The following CDC42BPG variants were observed in gnomAD, a reference collection of about 807,000 sequenced individuals.
The protein encoded by CDC42BPG is serine/threonine-protein kinase MRCK gamma.
In CDC42BPG, 157 loss-of-function variants were observed where a neutral mutation model predicts 192.2. The observed-to-expected ratio is 0.82, with a 90% CI of 0.72 to 0.93. The LOEUF (loss-of-function observed/expected upper bound fraction) is 0.93, where lower values mean the gene tolerates loss of function less well. CDC42BPG is among the 40% of genes least tolerant of loss of function. The probability of loss-of-function intolerance (pLI) is 0.00; values close to 1 mark genes in which losing one functional copy is unlikely to be tolerated. For synonymous variants in CDC42BPG, 981 were observed against 918.5 expected (o/e 1.07, Z -1.23); for missense variants, 1,992 against 2,122.1 (o/e 0.94, Z 1.20).
Position 64,840,656 on chromosome 11 carries a change from A to G in CDC42BPG, c.337-8T>C. ...CTCCCGGAAACAGGCTGTCTGCAGC[A>G]GGTTTGGGGAAGTAAGGGGTGGGGT... On this transcript the variant is annotated splice_polypyrimidine_tract_variant and splice_region_variant and intron_variant, in intron 3 of 36. Transcript: ENST00000342711. 1 of 1,613,384 alleles carries G rather than the reference A, an allele frequency of 6.2e-7. No individual in the cohort carries two copies. Among genetic ancestry groups the G allele is most frequent in the Middle Eastern group, 1.6e-4 (1 of 6,062 alleles).
chr11:64,824,861 C>T (rs1320783230), intron 36 of CDC42BPG, among the ~76,000 whole-genome samples: 1 of 152,140 alleles, frequency 6.6e-6, no homozygotes, highest in Non-Finnish European at 1.5e-5. Flanking sequence ...GATTCTCCTG[C>T]CTCTGCCTCC....
At chr11:64,839,602 G>A (rs374683996) in intron 5 of CDC42BPG, 31 bp from the exon 6 acceptor site, 11 of 1,586,658 alleles carry the variant, frequency 6.9e-6, no homozygotes, top group East Asian at 6.8e-5. Context: ...AGAGTGAGGC[G>A]TTTGACCTGT....
intron 36 of CDC42BPG, among the ~76,000 whole-genome samples, chr11:64,824,927 G>A (rs1474109947): frequency 1.5e-5 from 2 of 131,788 alleles, no homozygotes; most frequent in Admixed American, 7.6e-5. Flanking sequence ...TTTGTTTTTC[G>A]TTTTTTTTTT....
intron 13 of CDC42BPG, 127 bp downstream of exon 13, chr11:64,835,990 C>T (rs982228216): frequency 5.3e-6 from 7 of 1,324,040 alleles, no homozygotes; most frequent in African/African-American, 4.4e-5. Flanking sequence ...TCCCAGCCAC[C>T]ATCCCCTGGC....
chr11:64,844,506 GC>G lies in CDC42BPG; in HGVS notation c.63del (p.Leu22SerfsTer5). 7.4e-7 allele frequency: 1 copy of G among 1,343,504 alleles called. No homozygotes were observed. Among genetic ancestry groups the G allele is most frequent in the South Asian group, 1.8e-5 (1 of 55,434 alleles). The allele number at this position is 1,343,504 out of a possible 1,614,324, so 83.2% of individuals were successfully genotyped here. ...AGCAGCAGATCTAGGAGGCCGTCGA[GC>G]CCCGGGCAGCCGCCGGCCTCGCCCC... Reference protein sequence around the residue: ...LARGEAGGCPGLDGLLDLLLA... With the variant: ...LARGEAGGCPXLDGLLDLLLA... On this transcript the variant is annotated frameshift_variant, in exon 1 of 37. Coordinates refer to ENST00000342711, the MANE Select transcript of CDC42BPG (RefSeq NM_017525.3). LOFTEE classifies it high-confidence loss of function.
chr11:64,836,328 C>T, intron 12 of CDC42BPG, 32 bp from the exon 13 acceptor site: 1 of 1,608,456 alleles, frequency 6.2e-7, no homozygotes, highest in South Asian at 1.1e-5. Context: ...CGGGGAAGGA[C>T]AAGGCCCAGA....
intron 9 of CDC42BPG, among the ~76,000 whole-genome samples, 170 bp from the exon 10 acceptor site, chr11:64,837,189 G>A (rs1369779005): frequency 6.6e-6 from 1 of 152,260 alleles, no homozygotes; most frequent in Admixed American, 6.5e-5. Context: ...CAGCTGCAGG[G>A]CACAGGCTCC....
Position 64,827,140 on chromosome 11 carries a change from G to A in CDC42BPG, c.4299C>T (p.Arg1433=). 1 of 1,614,134 alleles carries A rather than the reference G, an allele frequency of 6.2e-7. No homozygotes were observed. Among genetic ancestry groups the A allele is most frequent in the Non-Finnish European group, 8.5e-7 (1 of 1,179,986 alleles). ...TGGTAGGCGGCGAGATGAGCTTGGA[G>A]CGCACAAAAGGGTCCTTCAGCATCT... The part of the protein sequence containing the change: ...RREMLKDPFV[R]SKLISPPTNF... The change falls in exon 34 of 37, where the codon CGC becomes CGT. Residue 1433 remains arginine, a synonymous_variant. Coordinates refer to ENST00000342711, the MANE Select transcript of CDC42BPG (RefSeq NM_017525.3).
chr11:64,830,039 C>A lies in CDC42BPG; in HGVS notation c.3399G>T (p.Val1133=), dbSNP rs771563972. ...DIFQVGECRR[V]QQLTLSPSAG... is the part of the protein sequence containing the mutation. ...CACTGGGGCTCAAGGTCAGCTGCTG[C>A]ACGCGCCGGCACTCCCCCACCTGGA... The change falls in exon 30 of 37, where the codon GTG becomes GTT. Residue 1133 remains valine (V), a synonymous_variant. Transcript: ENST00000342711. 1 of 1,612,490 alleles carries A rather than the reference C, an allele frequency of 6.2e-7. No individual in the cohort carries two copies. Among genetic ancestry groups the A allele is most frequent in the Non-Finnish European group, 8.5e-7 (1 of 1,179,346 alleles).
At chr11:64,840,298 G>A (rs752938362) in intron 4 of CDC42BPG, 30 bp from the exon 5 acceptor site, 34 of 1,602,300 alleles carry the variant, frequency 2.1e-5, no homozygotes, top group Non-Finnish European at 2.7e-5. Context: ...ATCAGACCCG[G>A]GGGAAGGGTG....
In CDC42BPG at chr11:64,823,725, C is replaced by T. The variant is rs1004985500; in HGVS notation, c.*748G>A. On this transcript the variant is annotated 3_prime_UTR_variant, in exon 37 of 37. Coordinates refer to ENST00000342711, the MANE Select transcript of CDC42BPG (RefSeq NM_017525.3). ...TCCTGTCCCTGTCCAGGATTCTCTT[C>T]CCCGATGGGAGGATTGGCTGACAGT... is the stretch of plus-strand genomic sequence containing the variant. 6.6e-6 allele frequency: 1 copy of T among 152,384 alleles called. No individual in the cohort carries two copies. The highest frequency in any genetic ancestry group is 1.9e-4 in the East Asian group (1 of 5,156). 9.4% of individuals were successfully genotyped at this position (152,384 alleles called of 1,614,324 possible). A position where few individuals can be genotyped will look rare whatever the true frequency, so the allele number is the denominator to read the frequency against.
Position 64,836,333 on chromosome 11 carries a change from C to G in CDC42BPG, c.1489-37G>C, listed in dbSNP as rs370542009. ...GGGGAGGGAGCGGGGAAGGACAAGGCCCAGAGTCAGGCACGAACCGTCCAT... is the reference window on the plus strand; with the variant it reads ...GGGGAGGGAGCGGGGAAGGACAAGGGCCAGAGTCAGGCACGAACCGTCCAT... On this transcript the variant is annotated intron_variant, in intron 12 of 36. Transcript: ENST00000342711. 1.1e-4 allele frequency: 178 copies of G among 1,607,970 alleles called. No individual in the cohort carries two copies. The African/African-American group carries it at 2.2e-3, about 20-fold the overall frequency.
intron 36 of CDC42BPG, among the ~76,000 whole-genome samples, chr11:64,824,910 G>C (rs1053851946): frequency 4.6e-5 from 7 of 151,388 alleles, no homozygotes; most frequent in Non-Finnish European, 4.4e-5. Flanking sequence ...ACCATGCCTA[G>C]TTAATTTTTG....
chr11:64,843,430 C>T (rs1943368354), intron 1 of CDC42BPG, among the ~76,000 whole-genome samples: 2 of 152,064 alleles, frequency 1.3e-5, no homozygotes, highest in Non-Finnish European at 1.5e-5. Flanking sequence ...CTGACTGCCT[C>T]GCCCTGGATG....
At chr11:64,828,149 T>A (rs1942521315) in intron 30 of CDC42BPG, among the ~76,000 whole-genome samples, 1 of 152,120 alleles carries the variant, frequency 6.6e-6, no homozygotes. Flanking sequence ...GCAGCTTGGG[T>A]GATATGCGGC....
intron 1 of CDC42BPG, among the ~76,000 whole-genome samples, chr11:64,842,660 T>C (rs112896886): frequency 8.1e-4 from 124 of 152,180 alleles, no homozygotes; most frequent in African/African-American, 2.8e-3. Context: ...ACGAAGCTTT[T>C]GTCTGGTCAA....
chr11:64,838,725 AG>A lies in CDC42BPG; in HGVS notation c.1053del (p.Tyr352IlefsTer78). 1 of 1,613,060 alleles carries A rather than the reference AG, an allele frequency of 6.2e-7. No individual in the cohort carries two copies. The highest frequency in any genetic ancestry group is 8.5e-7 in the Non-Finnish European group (1 of 1,180,016). On this transcript the variant is annotated frameshift_variant, in exon 8 of 37. Coordinates refer to ENST00000342711, the MANE Select transcript of CDC42BPG (RefSeq NM_017525.3). LOFTEE classifies it high-confidence loss of function. ...DWERLASSTA[P>X]YIPELRGPMD... is the part of the protein sequence containing the mutation. ...ATGGGCCCCCGCAGCTCAGGAATAT[AG>A]GGGGCCGTGCTGCTCGCCAGCCGCT...
intron 28 of CDC42BPG, among the ~76,000 whole-genome samples, chr11:64,831,107 A>C (rs1176010951): frequency 6.6e-6 from 1 of 151,968 alleles, no homozygotes; most frequent in East Asian, 1.9e-4. Context: ...AATCCCAGCT[A>C]CTCTGGAGGC....
chr11:64,837,766 C>T lies in CDC42BPG; in HGVS notation c.1205+317G>A, dbSNP rs144589593. Among the ~76,000 whole-genome samples the T allele has an allele frequency of 3.0e-3, 457 of 152,306 alleles. 2 individuals carry two copies. The highest frequency in any genetic ancestry group is 7.3e-3 in the Admixed American group (112 of 15,300). On this transcript the variant is annotated intron_variant, in intron 9 of 36. Coordinates refer to ENST00000342711, the MANE Select transcript of CDC42BPG (RefSeq NM_017525.3). The stretch of plus-strand genomic sequence containing the variant: ...CATAAGCCACCACGCCTGGTCCATC[C>T]CACCCATTTTACAGAGCCACAAAGT...
Sources: gnomAD v4.1 joint callset for allele counts (sites outside exome capture counted in the v4.1 genomes callset) on GRCh38, gnomAD v4.1.1 for gene constraint, MANE v1.5 for transcripts, NCBI Gene and HGNC (gene_info 2026-07-23, HGNC 2026-07-21) for gene names.